Variants in PSD3 observed in about 807,000 individuals in gnomAD.
PSD3 encodes the protein pleckstrin and Sec7 domain containing 3, also known as PH and SEC7 domain-containing protein 3.
A neutral mutation model predicts 105.5 loss-of-function variants in PSD3; 49 were observed. The ratio of observed to expected loss-of-function variants is 0.46; its 90% CI spans 0.37 to 0.59. PSD3 has a LOEUF of 0.59. PSD3 is among the 20% of genes least tolerant of loss of function. PSD3 has a pLI of 0.00. For synonymous variants in PSD3, 557 were observed against 457.8 expected, an observed-to-expected ratio of 1.22 and a Z score of -2.77; for missense variants, 1,561 against 1,263.8, an observed-to-expected ratio of 1.24 and a Z score of -3.57.
chr8:18,962,217 G>A (rs1244401284), intron 1 of PSD3, among the ~76,000 whole-genome samples: 1 of 151,936 alleles, frequency 6.6e-6, no homozygotes, highest in African/African-American at 2.4e-5. Context: ...CTGCACTACA[G>A]CATGGGTGAC....
At position 19,001,304 on chromosome 8, in the gene PSD3, A is replaced by G. The variant is rs543617256; in HGVS notation, c.21+12259T>C. On this transcript the variant is annotated intron_variant, in intron 1 of 15. Coordinates refer to ENST00000327040, the MANE Select transcript of PSD3 (RefSeq NM_015310.4). ...GAGGTGGGGTCTCACTATGTTGCCC[A>G]GGCCCGTAGACTTTATTTATTAGAG... is the stretch of plus-strand genomic sequence containing the variant. Among the ~76,000 whole-genome samples, 55 of 151,802 alleles carry G rather than the reference A, an allele frequency of 3.6e-4. 1 individual carries two copies. Among genetic ancestry groups the G allele is most frequent in the African/African-American group, 1.3e-3 (54 of 41,340 alleles).
intron 1 of PSD3, among the ~76,000 whole-genome samples, chr8:18,944,109 T>G (rs1288513845): frequency 1.3e-5 from 2 of 152,212 alleles, no homozygotes; most frequent in Non-Finnish European, 2.9e-5. Flanking sequence ...TCAGGCCAGT[T>G]ATTTTACAGA....
chr8:18,813,723 C>T (rs1463439838), intron 4 of PSD3, among the ~76,000 whole-genome samples: 2 of 152,168 alleles, frequency 1.3e-5, no homozygotes, highest in South Asian at 2.1e-4. Context: ...GTCACCAGTT[C>T]TGGGACCTTA....
intron 1 of PSD3, among the ~76,000 whole-genome samples, chr8:18,949,244 A>AAAAAAAATATATAT (rs1345423514): frequency 6.9e-5 from 1 of 14,408 alleles, no homozygotes; most frequent in African/African-American, 1.5e-4. Flanking sequence ...AAAAAAAAAA[A>AAAAAAAATATATAT]ATATATATAT....
In PSD3 at chr8:18,875,611, A is replaced by C. The variant is rs572452847; in HGVS notation, c.131-2878T>G. On this transcript the variant is annotated intron_variant, in intron 2 of 15. Transcript: ENST00000327040. ...GAGTGCAGTGGCGCGATCTCGGCTC[A>C]CTGCAAGCTCCGCCTCCTGGATACA... Among the ~76,000 whole-genome samples, 4 of 151,484 alleles carry C rather than the reference A, an allele frequency of 2.6e-5. No individual in the cohort carries two copies. In the South Asian group the frequency reaches 6.3e-4, roughly 24 times the overall value.
intron 1 of PSD3, among the ~76,000 whole-genome samples, chr8:18,973,973 C>T (rs983107374): frequency 6.6e-6 from 1 of 152,182 alleles, no homozygotes; most frequent in Non-Finnish European, 1.5e-5. Flanking sequence ...TGTTAAGTAG[C>T]AGGACAGGAT....
chr8:19,009,783 C>T (rs960096901), intron 1 of PSD3, among the ~76,000 whole-genome samples: 1 of 151,598 alleles, frequency 6.6e-6, no homozygotes. Flanking sequence ...CCCAGCCACT[C>T]GGGAGGCTGA....
chr8:18,729,876 A>C (rs542464188), intron 9 of PSD3, among the ~76,000 whole-genome samples: 1 of 152,316 alleles, frequency 6.6e-6, no homozygotes, highest in South Asian at 2.1e-4. Flanking sequence ...TTCTCTTACC[A>C]ACGTTGCTAC....
At chr8:18,591,551 C>T (rs914093937) in intron 12 of PSD3, among the ~76,000 whole-genome samples, 1 of 152,142 alleles carries the variant, frequency 6.6e-6, no homozygotes. Flanking sequence ...TTCTTTCTCA[C>T]CTCACTCACA....
chr8:18,873,384 T>C (rs1037198315), intron 2 of PSD3, among the ~76,000 whole-genome samples: 5 of 152,174 alleles, frequency 3.3e-5, no homozygotes, highest in African/African-American at 1.2e-4. Flanking sequence ...AAAATTCATT[T>C]TTCTCATTTT....
intron 9 of PSD3, 25 bp downstream of exon 9, chr8:18,765,424 T>C: frequency 6.4e-7 from 1 of 1,557,418 alleles, no homozygotes; most frequent in South Asian, 1.1e-5. Context: ...AAGCATACAC[T>C]AAAAACCAAT....
chr8:18,655,396 G>A (rs1350229882), intron 10 of PSD3, among the ~76,000 whole-genome samples: 9 of 150,980 alleles, frequency 6.0e-5, no homozygotes, highest in Admixed American at 1.3e-4. Flanking sequence ...TTTAAAAGCA[G>A]AATAGGAACA....
Position 19,013,632 on chromosome 8 carries a change from G to C in PSD3, c.-49C>G, listed in dbSNP as rs746875277. 4.1e-5 allele frequency: 55 copies of C among 1,331,364 alleles called. 1 individual carries two copies. In the South Asian group the frequency reaches 6.5e-4, roughly 16 times the overall value. 82.5% of individuals were successfully genotyped at this position (1,331,364 alleles called of 1,614,324 possible). A position where few individuals can be genotyped will look rare whatever the true frequency, so the allele number is the denominator to read the frequency against. On this transcript the variant is annotated 5_prime_UTR_variant, in exon 1 of 16. Coordinates refer to ENST00000327040, the MANE Select transcript of PSD3 (RefSeq NM_015310.4). ...CGCCGAAACCGCCGCCGGGCGCTCC[G>C]GGGCCGCAGCCTCAGGGCGCGAGTG...
chr8:18,820,223 A>G (rs896238360), intron 4 of PSD3, among the ~76,000 whole-genome samples: 2 of 149,292 alleles, frequency 1.3e-5, no homozygotes, highest in African/African-American at 4.9e-5. Context: ...TCTCCAAGTG[A>G]AATGGCATAT....
At chr8:18,759,052 T>C (rs1049647561) in intron 9 of PSD3, among the ~76,000 whole-genome samples, 1 of 145,154 alleles carries the variant, frequency 6.9e-6, no homozygotes, top group Non-Finnish European at 1.5e-5. Flanking sequence ...CATACTGATT[T>C]ACATCCTTTC....
intron 1 of PSD3, among the ~76,000 whole-genome samples, chr8:19,058,688 A>G (rs1167832811): frequency 2.6e-5 from 4 of 152,092 alleles, no homozygotes; most frequent in African/African-American, 9.7e-5. Context: ...ACATTGTACA[A>G]AAGTTTCTTG....
intron 1 of PSD3, among the ~76,000 whole-genome samples, chr8:18,967,831 C>A (rs1035184505): frequency 6.6e-5 from 10 of 152,152 alleles, no homozygotes; most frequent in African/African-American, 2.4e-4. Flanking sequence ...AATCAGGTGA[C>A]GGAAGATACA....
intron 8 of PSD3, among the ~76,000 whole-genome samples, chr8:18,776,086 C>A (rs910242914): frequency 6.6e-6 from 1 of 151,854 alleles, no homozygotes; most frequent in Non-Finnish European, 1.5e-5. Flanking sequence ...TTCTGAGCAC[C>A]ATTTATTGAA....
chr8:18,716,112 G>T (rs1802573732), intron 9 of PSD3, among the ~76,000 whole-genome samples: 1 of 152,156 alleles, frequency 6.6e-6, no homozygotes, highest in South Asian at 2.1e-4. Flanking sequence ...GGCCATGAGT[G>T]CAGAGAACAA....
Sources: allele counts gnomAD v4.1 joint callset (sites outside exome capture counted in the v4.1 genomes callset), GRCh38; gene constraint gnomAD v4.1.1; transcripts MANE v1.5; gene names NCBI Gene and HGNC (gene_info 2026-07-23, HGNC 2026-07-21).